The following ST6GALNAC3 variants were observed in gnomAD, a reference collection of about 807,000 sequenced individuals.
ST6GALNAC3 encodes the protein ST6 N-acetylgalactosaminide alpha-2,6-sialyltransferase 3.
ST6GALNAC3 carries 25 observed loss-of-function variants against 32.7 expected under a neutral mutation model. The ratio of observed to expected loss-of-function variants is 0.76; its 90% CI spans 0.56 to 1.07. The LOEUF is 1.07. Ranked by LOEUF, ST6GALNAC3 falls within the 50% of genes least tolerant of loss-of-function variation. The pLI, the probability that ST6GALNAC3 is intolerant of heterozygous loss-of-function variation, is 0.00. For synonymous variants in ST6GALNAC3, 129 were observed against 133.1 expected (o/e 0.97, Z 0.21); for missense variants, 355 against 382.4 (o/e 0.93, Z 0.60).
chr1:76,519,919 C>A (rs1266785532), intron 3 of ST6GALNAC3, among the ~76,000 whole-genome samples: 1 of 151,464 alleles, frequency 6.6e-6, no homozygotes, highest in Non-Finnish European at 1.5e-5. Context: ...CATGCACACA[C>A]ACTGTATGTA....
At chr1:76,268,357 G>T (rs1162418322) in intron 1 of ST6GALNAC3, among the ~76,000 whole-genome samples, 1 of 152,226 alleles carries the variant, frequency 6.6e-6, no homozygotes, top group Non-Finnish European at 1.5e-5. Context: ...TCTTGATGAT[G>T]CTTGATGCAG....
intron 3 of ST6GALNAC3, among the ~76,000 whole-genome samples, chr1:76,516,313 T>C (rs941747017): frequency 5.3e-5 from 8 of 152,238 alleles, no homozygotes; most frequent in Non-Finnish European, 8.8e-5. Flanking sequence ...TGTATACATA[T>C]ATTATACATT....
Position 76,430,807 on chromosome 1 carries a change from TA to T in ST6GALNAC3, c.623+18391del, listed in dbSNP as rs1004062274. 5.9e-5 allele frequency among the ~76,000 whole-genome samples: 9 copies of T among 152,258 alleles called. No homozygotes were observed. In the South Asian group the frequency reaches 8.3e-4, roughly 14 times the overall value. On this transcript the variant is annotated intron_variant, in intron 3 of 4. Coordinates refer to ENST00000328299, the MANE Select transcript of ST6GALNAC3 (RefSeq NM_152996.4). ...CAGTGTATATTAGGTCCTTAACAAA[TA>T]TTTTTTTATGAGAGTGTCAATTTCG...
At chr1:76,131,961 T>C (rs1243857542) in intron 1 of ST6GALNAC3, among the ~76,000 whole-genome samples, 1 of 152,150 alleles carries the variant, frequency 6.6e-6, no homozygotes, top group Non-Finnish European at 1.5e-5. Context: ...GCCGAAATGG[T>C]CTTGCCCATA....
chr1:76,587,409 A>T (rs1646978313), intron 3 of ST6GALNAC3, among the ~76,000 whole-genome samples: 1 of 152,160 alleles, frequency 6.6e-6, no homozygotes, highest in African/African-American at 2.4e-5. Flanking sequence ...CAGAGCTGTG[A>T]CTGTGGCTTT....
chr1:76,204,744 A>C (rs1279226177), intron 1 of ST6GALNAC3, among the ~76,000 whole-genome samples: 1 of 152,182 alleles, frequency 6.6e-6, no homozygotes, highest in Non-Finnish European at 1.5e-5. Context: ...TTTAAGTTTT[A>C]TTTCCATAAT....
chr1:76,285,909 C>T (rs944549258), intron 1 of ST6GALNAC3, among the ~76,000 whole-genome samples: 5 of 152,030 alleles, frequency 3.3e-5, no homozygotes, highest in East Asian at 3.9e-4. Context: ...CACACACCCC[C>T]GCGCCCCCTC....
chr1:76,463,762 C>T (rs925617996), intron 3 of ST6GALNAC3, among the ~76,000 whole-genome samples: 3 of 152,072 alleles, frequency 2.0e-5, no homozygotes, highest in African/African-American at 7.2e-5. Context: ...CCAACTCATT[C>T]TGGGCCTTTC....
At chr1:76,258,515 A>G (rs1185200586) in intron 1 of ST6GALNAC3, among the ~76,000 whole-genome samples, 1 of 152,174 alleles carries the variant, frequency 6.6e-6, no homozygotes, top group Non-Finnish European at 1.5e-5. Flanking sequence ...AAAGAAATCA[A>G]TTTTATTGCT....
intron 3 of ST6GALNAC3, among the ~76,000 whole-genome samples, chr1:76,604,636 C>T (rs942583487): frequency 6.6e-6 from 1 of 152,172 alleles, no homozygotes; most frequent in African/African-American, 2.4e-5. Flanking sequence ...TCTATTCAGA[C>T]CTCACTTTTC....
intron 3 of ST6GALNAC3, chr1:76,413,064 T>G (rs963288578): frequency 1.0e-5 from 3 of 299,540 alleles, no homozygotes; most frequent in African/African-American, 2.3e-5. Flanking sequence ...TACATCCATG[T>G]TTTTTCTGTA....
intron 1 of ST6GALNAC3, among the ~76,000 whole-genome samples, chr1:76,265,317 T>C (rs1658466221): frequency 6.6e-6 from 1 of 152,200 alleles, no homozygotes; most frequent in Admixed American, 6.5e-5. Flanking sequence ...GTGGTGATAA[T>C]TGGTACAAGG....
At chr1:76,108,125 A>G (rs1471909336) in intron 1 of ST6GALNAC3, among the ~76,000 whole-genome samples, 2 of 152,228 alleles carry the variant, frequency 1.3e-5, no homozygotes, top group Non-Finnish European at 2.9e-5. Context: ...GTCTGGCACC[A>G]CCAGTCTCTC....
At chr1:76,432,455 T>A (rs948311151) in intron 3 of ST6GALNAC3, among the ~76,000 whole-genome samples, 1 of 131,716 alleles carries the variant, frequency 7.6e-6, no homozygotes, top group African/African-American at 2.8e-5. Flanking sequence ...TTTTTTTTTT[T>A]TTTTTTTTTT....
chr1:76,540,155 A>T (rs1410208355), intron 3 of ST6GALNAC3, among the ~76,000 whole-genome samples: 1 of 152,190 alleles, frequency 6.6e-6, no homozygotes, highest in African/African-American at 2.4e-5. Flanking sequence ...GTACATATAC[A>T]CTATGGAATA....
At chr1:76,533,382 C>T (rs1212749187) in intron 3 of ST6GALNAC3, among the ~76,000 whole-genome samples, 3 of 152,172 alleles carry the variant, frequency 2.0e-5, no homozygotes, top group Non-Finnish European at 4.4e-5. Context: ...CACATGTGAA[C>T]GTCCACAGTG....
In ST6GALNAC3 at chr1:76,629,207, C is replaced by T; in HGVS notation, c.*401C>T. On this transcript the variant is annotated 3_prime_UTR_variant, in exon 5 of 5. Transcript: ENST00000328299. ...TGAGGCAAGGTGATTGACTCAATGG[C>T]TTGTTGAATCTCAGCAGTTCCGCCA... 6.0e-6 allele frequency: 6 copies of T among 1,003,794 alleles called. No individual in the cohort carries two copies. The highest frequency in any genetic ancestry group is 7.1e-6 in the Non-Finnish European group (6 of 843,008). The allele number at this position is 1,003,794 out of a possible 1,614,324, so 62.2% of individuals were successfully genotyped here. A position where few individuals can be genotyped will look rare whatever the true frequency, so the allele number is the denominator to read the frequency against.
At chr1:76,459,587 T>G (rs889491917) in intron 3 of ST6GALNAC3, among the ~76,000 whole-genome samples, 3 of 151,578 alleles carry the variant, frequency 2.0e-5, no homozygotes, top group African/African-American at 7.3e-5. Context: ...AAGAATAGAA[T>G]TGACTATGGG....
At chr1:76,076,066 G>T (rs1646812642) in intron 1 of ST6GALNAC3, among the ~76,000 whole-genome samples, 1 of 152,104 alleles carries the variant, frequency 6.6e-6, no homozygotes, top group African/African-American at 2.4e-5. Flanking sequence ...TGAGCTTTCT[G>T]AACTTCCTCT....
Sources: allele counts gnomAD v4.1 joint callset (sites outside exome capture counted in the v4.1 genomes callset), GRCh38; gene constraint gnomAD v4.1.1; transcripts MANE v1.5; gene names NCBI Gene and HGNC (gene_info 2026-07-23, HGNC 2026-07-21).